The following SPATS2L variants were observed in gnomAD, a reference collection of about 807,000 sequenced individuals.
SPATS2L encodes SPATS2-like protein.
In SPATS2L, 30 loss-of-function variants were observed where a neutral mutation model predicts 59.6. The ratio of observed to expected loss-of-function variants is 0.50; its 90% CI spans 0.38 to 0.68. SPATS2L has a LOEUF of 0.68. SPATS2L is among the 30% of genes least tolerant of loss of function. The pLI is 0.00. For missense variants in SPATS2L, 615 were observed against 700.0 expected, an observed-to-expected ratio of 0.88 and a Z score of 1.37; for synonymous variants, 252 against 263.5, an observed-to-expected ratio of 0.96 and a Z score of 0.42.
At chr2:200,472,499 G>A (rs1367890254) in intron 11 of SPATS2L, among the ~76,000 whole-genome samples, 1 of 152,140 alleles carries the variant, frequency 6.6e-6, no homozygotes, top group Non-Finnish European at 1.5e-5. Context: ...GGGCCAGAGA[G>A]GGAACCTTGA....
At chr2:200,312,301 C>G (rs2079218269) in intron 1 of SPATS2L, among the ~76,000 whole-genome samples, 1 of 152,164 alleles carries the variant, frequency 6.6e-6, no homozygotes, top group African/African-American at 2.4e-5. Context: ...ATTGTGGTCC[C>G]AAGCAGCCAG....
chr2:200,451,516 C>G (rs10191055), intron 8 of SPATS2L, among the ~76,000 whole-genome samples: 138,474 of 152,216 alleles, frequency 0.91, 63,539 homozygotes, highest in Non-Finnish European at 0.97. Flanking sequence ...TATTGTATTC[C>G]TGCTCCATTT....
intron 2 of SPATS2L, among the ~76,000 whole-genome samples, chr2:200,351,545 T>C (rs1426395865): frequency 6.6e-6 from 1 of 152,212 alleles, no homozygotes; most frequent in Non-Finnish European, 1.5e-5. Flanking sequence ...TTTTGGTTAA[T>C]ACTAAATTAT....
At chr2:200,408,596 C>G (rs2082768293) in intron 3 of SPATS2L, among the ~76,000 whole-genome samples, 1 of 152,214 alleles carries the variant, frequency 6.6e-6, no homozygotes, top group Non-Finnish European at 1.5e-5. Flanking sequence ...AGGGTCATCA[C>G]AGACAGGCTC....
intron 2 of SPATS2L, among the ~76,000 whole-genome samples, chr2:200,339,299 C>T (rs900761753): frequency 2.0e-5 from 3 of 151,888 alleles, no homozygotes; most frequent in African/African-American, 7.3e-5. Context: ...TTTTATTCCA[C>T]GATTCTTTAT....
intron 10 of SPATS2L, among the ~76,000 whole-genome samples, chr2:200,468,177 G>T (rs1201822931): frequency 2.0e-5 from 3 of 151,960 alleles, no homozygotes; most frequent in African/African-American, 7.3e-5. Flanking sequence ...GGCCCAGAGA[G>T]GGTGTGACAT....
chr2:200,318,684 A>C (rs1192210823), intron 1 of SPATS2L, among the ~76,000 whole-genome samples: 1 of 152,200 alleles, frequency 6.6e-6, no homozygotes, highest in Non-Finnish European at 1.5e-5. Flanking sequence ...AAGGTGAGGC[A>C]TATTTAGATA....
At chr2:200,405,512 A>G (rs151330355) in intron 3 of SPATS2L, among the ~76,000 whole-genome samples, 159 of 152,352 alleles carry the variant, frequency 1.0e-3, no homozygotes, top group African/African-American at 3.7e-3. Context: ...AGGCAATTAA[A>G]TTATGGAATT....
At chr2:200,420,892 A>AAC (rs938063177) in intron 6 of SPATS2L, among the ~76,000 whole-genome samples, 80 of 151,802 alleles carry the variant, frequency 5.3e-4, no homozygotes, top group African/African-American at 1.7e-3. Flanking sequence ...CCCCACCGCC[A>AAC]ACACACACAC....
chr2:200,394,901 C>T (rs1006075734), intron 3 of SPATS2L, among the ~76,000 whole-genome samples: 5 of 151,958 alleles, frequency 3.3e-5, no homozygotes, highest in Admixed American at 2.0e-4. Flanking sequence ...GCTGAGTAAC[C>T]GGTCATATCC....
At chr2:200,385,982 G>A (rs572803817) in intron 2 of SPATS2L, among the ~76,000 whole-genome samples, 7 of 152,172 alleles carry the variant, frequency 4.6e-5, no homozygotes, top group Admixed American at 2.0e-4. Flanking sequence ...GTGAGCCACC[G>A]CACCCGGCCA....
At chr2:200,460,177 T>A (rs1029949637) in intron 9 of SPATS2L, among the ~76,000 whole-genome samples, 1 of 152,356 alleles carries the variant, frequency 6.6e-6, no homozygotes, top group Non-Finnish European at 1.5e-5. Flanking sequence ...AATTTAGTAT[T>A]AGATTTTAAG....
At chr2:200,470,144 T>C (rs1312558385) in intron 11 of SPATS2L, 128 bp downstream of exon 11, 8 of 667,244 alleles carry the variant, frequency 1.2e-5, no homozygotes, top group African/African-American at 9.1e-5. Flanking sequence ...GATTTAATGA[T>C]CTAAGCTCAT....
intron 2 of SPATS2L, among the ~76,000 whole-genome samples, chr2:200,342,423 G>A (rs1222339458): frequency 6.6e-6 from 1 of 152,230 alleles, no homozygotes; most frequent in Non-Finnish European, 1.5e-5. Context: ...GAGACTGGTT[G>A]TTCTCTTGCA....
At chr2:200,310,210 T>C (rs2079148878) in intron 1 of SPATS2L, among the ~76,000 whole-genome samples, 1 of 152,224 alleles carries the variant, frequency 6.6e-6, no homozygotes, top group African/African-American at 2.4e-5. Flanking sequence ...CTTTTTGTAT[T>C]CTCTCTAAAC....
At chr2:200,370,148 C>A (rs987847875) in intron 2 of SPATS2L, among the ~76,000 whole-genome samples, 1 of 152,190 alleles carries the variant, frequency 6.6e-6, no homozygotes, top group Non-Finnish European at 1.5e-5. Context: ...AGAAAGCCCC[C>A]AGAAGCTTGG....
At chr2:200,391,662 C>T (rs1211607887) in intron 3 of SPATS2L, among the ~76,000 whole-genome samples, 2 of 152,334 alleles carry the variant, frequency 1.3e-5, no homozygotes, top group African/African-American at 2.4e-5. Flanking sequence ...GACTGTGCTA[C>T]ATATTTTATA....
chr2:200,397,961 A>G (rs2082408221), intron 3 of SPATS2L, among the ~76,000 whole-genome samples: 1 of 152,216 alleles, frequency 6.6e-6, no homozygotes, highest in African/African-American at 2.4e-5. Flanking sequence ...TTAGACTTCC[A>G]TGCAAATCTG....
intron 8 of SPATS2L, among the ~76,000 whole-genome samples, chr2:200,459,529 T>C (rs1251767446): frequency 1.3e-5 from 2 of 152,256 alleles, no homozygotes; most frequent in African/African-American, 2.4e-5. Context: ...AAAGACTTTT[T>C]TTTAGGTTTG....
Sources: gnomAD v4.1 joint callset for allele counts (sites outside exome capture counted in the v4.1 genomes callset) on GRCh38, gnomAD v4.1.1 for gene constraint, MANE v1.5 for transcripts, NCBI Gene and HGNC (gene_info 2026-07-23, HGNC 2026-07-21) for gene names.